Variants in RBM14 observed in about 807,000 individuals in gnomAD.
RBM14 encodes RNA binding motif protein 14, also known as RNA-binding protein 14.
In RBM14, 5 loss-of-function variants were observed where a neutral mutation model predicts 52.8. That is an observed-to-expected ratio of 0.09 (90% CI 0.05 to 0.20). The LOEUF (loss-of-function observed/expected upper bound fraction) is 0.20. Ranked by LOEUF, RBM14 falls within the 10% of genes least tolerant of loss-of-function variation. The probability of loss-of-function intolerance (pLI) is 1.00; values close to 1 mark genes in which losing one functional copy is unlikely to be tolerated. For missense variants in RBM14, 780 were observed against 926.6 expected (o/e 0.84, Z 2.05); for synonymous variants, 411 against 401.8 (o/e 1.02, Z -0.28).
chr11:66,616,798 C>T lies in RBM14; in HGVS notation c.78C>T (p.Gly26=). 1 of 1,610,896 alleles carries T rather than the reference C, an allele frequency of 6.2e-7. No homozygotes were observed. The highest frequency in any genetic ancestry group is 1.1e-5 in the South Asian group (1 of 91,062). ...EELAALFAPY[G]TVMSCAVMKQ... ...TGGCAGCCCTCTTTGCGCCCTACGG[C>T]ACGGTCATGAGCTGCGCCGTCATGA... Residue 26 remains glycine, a synonymous_variant, in exon 1 of 3, where the codon GGC becomes GGT. Transcript: ENST00000310137.
chr11:66,625,333 A>G lies in RBM14; in HGVS notation c.1457A>G (p.Tyr486Cys), dbSNP rs370486697. 1.6e-4 allele frequency: 256 copies of G among 1,609,868 alleles called. No homozygotes were observed. Among genetic ancestry groups the G allele is most frequent in the Non-Finnish European group, 2.1e-4 (250 of 1,178,608 alleles). Residue 486 changes from tyrosine (Y) to cysteine (C), a missense_variant, in exon 2 of 3, where the codon TAT becomes TGT. Physicochemically the swap from Tyr to Cys is radical, Grantham distance 194. Coordinates refer to ENST00000310137, the MANE Select transcript of RBM14 (RefSeq NM_006328.4). This position sits in a 1 kb window ranked among gnomAD's most constrained non-coding sequence, Gnocchi z 4.2. ...AQASMGLSGS[Y>C]GAQSAAAATG... ...GCATCAATGGGCCTTTCAGGCTCCT[A>G]TGGGGCTCAGTCGGCTGCTGCGGCC...
At chr11:66,617,500 G>T (rs1188353361) in intron 1 of RBM14, 3 of 1,001,780 alleles carry the variant, frequency 3.0e-6, no homozygotes, top group East Asian at 2.1e-4. Context: ...GGGGGCTGAC[G>T]CCCCAAGGCC....
Position 66,624,173 on chromosome 11 carries a change from T to C in RBM14, c.338-41T>C, listed in dbSNP as rs917830303. 1.9e-6 allele frequency: 3 copies of C among 1,544,938 alleles called. No homozygotes were observed. Among genetic ancestry groups the C allele is most frequent in the Non-Finnish European group, 2.6e-6 (3 of 1,143,636 alleles). ...TTGGGACCCATCAGGTAGCATGCCC[T>C]GCCCCCCTAATTGCTAACCCTCTGT... is the stretch of plus-strand genomic sequence containing the variant. On this transcript the variant is annotated intron_variant, in intron 1 of 2. Coordinates refer to ENST00000310137, the MANE Select transcript of RBM14 (RefSeq NM_006328.4). The surrounding 1 kb of genome is among the most constrained non-coding windows in gnomAD (Gnocchi z 4.7).
Position 66,618,722 on chromosome 11 carries a change from GCTA to G in RBM14, c.337+1669_337+1671del, listed in dbSNP as rs878967431. Reference sequence around the variant, plus strand: ...TCTTTTGTGGTTGTTAGGTAGAGTGGCTACTAGGTTGAGAGTCTAGAGTCAAAC... The same window carrying G: ...TCTTTTGTGGTTGTTAGGTAGAGTGGCTAGGTTGAGAGTCTAGAGTCAAAC... On this transcript the variant is annotated intron_variant, in intron 1 of 2. Transcript: ENST00000310137. 1.4e-4 allele frequency among the ~76,000 whole-genome samples: 22 copies of G among 152,250 alleles called. No homozygotes were observed. In the South Asian group the frequency reaches 3.7e-3, roughly 26 times the overall value.
chr11:66,625,189 C>T lies in RBM14; in HGVS notation c.1313C>T (p.Thr438Ile), dbSNP rs747013390. ...GCTGCCTATGTGGCACAGCCAGCCA[C>T]AGCTGCTGCCTATGCCAGCCAGCCA... ...QPAAYVAQPA[T>I]AAAYASQPAA... The change falls in exon 2 of 3, where the codon ACA becomes ATA. Residue 438 changes from threonine to isoleucine, a missense_variant. Thr to Ile is a moderately conservative substitution (Grantham distance 89). Transcript: ENST00000310137. This position sits in a 1 kb window ranked among gnomAD's most constrained non-coding sequence, Gnocchi z 4.2. The T allele has an allele frequency of 3.1e-6, 5 of 1,612,184 alleles. No homozygotes were observed. The highest frequency in any genetic ancestry group is 1.1e-5 in the South Asian group (1 of 91,092).
In RBM14 at chr11:66,629,102, TTTTAA is replaced by T. The variant is rs1377388711; in HGVS notation, c.*2437_*2441del. On this transcript the variant is annotated 3_prime_UTR_variant, in exon 3 of 3. Transcript: ENST00000310137. Reference sequence around the variant, plus strand: ...TTTAAAATCTCCCTCCCCTCTTTTATTTTAATTATGCCACCTGTGTTAATCCTATA... The same window carrying T: ...TTTAAAATCTCCCTCCCCTCTTTTATTTATGCCACCTGTGTTAATCCTATA... 2.0e-5 allele frequency among the ~76,000 whole-genome samples: 3 copies of T among 152,252 alleles called. No homozygotes were observed. Among genetic ancestry groups the T allele is most frequent in the Non-Finnish European group, 4.4e-5 (3 of 68,032 alleles).
At chr11:66,618,615 A>C in intron 1 of RBM14, 1 of 715,920 alleles carries the variant, frequency 1.4e-6, no homozygotes, top group Non-Finnish European at 2.6e-6. Context: ...GGAGGGTCTC[A>C]GATTGGGTAC....
At position 66,625,773 on chromosome 11, in the gene RBM14, C is replaced by T. The variant is rs190132142; in HGVS notation, c.1802+95C>T. On this transcript the variant is annotated intron_variant, in intron 2 of 2. Transcript: ENST00000310137. The surrounding 1 kb of genome is among the most constrained non-coding windows in gnomAD (Gnocchi z 4.2). The stretch of plus-strand genomic sequence containing the variant: ...GGAAACTGGAGGCATCGGCCCCTCC[C>T]TCGGTCTTCTCTTCTCTATTTTTGT... 1.1e-6 allele frequency: 1 copy of T among 938,942 alleles called. No homozygotes were observed. Among genetic ancestry groups the T allele is most frequent in the Non-Finnish European group, 1.6e-6 (1 of 637,628 alleles). The allele number at this position is 938,942 out of a possible 1,614,324, so 58.2% of individuals were successfully genotyped here. A position where few individuals can be genotyped will look rare whatever the true frequency, so the allele number is the denominator to read the frequency against.
chr11:66,619,310 A>C (rs1052538806), intron 1 of RBM14: 4 of 152,174 alleles, frequency 2.6e-5, no homozygotes, highest in African/African-American at 4.8e-5. Context: ...GGAAAAAAAA[A>C]CAACATAGTT....
chr11:66,624,129 G>T lies in RBM14; in HGVS notation c.338-85G>T. On this transcript the variant is annotated intron_variant, in intron 1 of 2. Coordinates refer to ENST00000310137, the MANE Select transcript of RBM14 (RefSeq NM_006328.4). This position sits in a 1 kb window ranked among gnomAD's most constrained non-coding sequence, Gnocchi z 4.7. Reference sequence around the variant, plus strand: ...CTTGGAGGTAGCTGGCAACAGCTGGGTGCTGTTGTGTGTCCAATTTGGGAC... The same window carrying T: ...CTTGGAGGTAGCTGGCAACAGCTGGTTGCTGTTGTGTGTCCAATTTGGGAC... The T allele has an allele frequency of 6.5e-7, 1 of 1,540,628 alleles. No individual in the cohort carries two copies. Among genetic ancestry groups the T allele is most frequent in the Non-Finnish European group, 8.7e-7 (1 of 1,143,038 alleles).
intron 1 of RBM14, among the ~76,000 whole-genome samples, chr11:66,623,479 ACT>A (rs1859213511): frequency 1.3e-5 from 2 of 152,086 alleles, no homozygotes; most frequent in Non-Finnish European, 2.9e-5. Context: ...TCTGGTCCTG[ACT>A]CTAACACACT....
rs1377471441 is a variant in RBM14 at position 66,618,547 on chromosome 11, G to A, written c.337+1490G>A. 7.0e-6 allele frequency: 5 copies of A among 717,498 alleles called. No homozygotes were observed. The African/African-American group carries it at 8.7e-5, about 13-fold the overall frequency. 44.4% of individuals were successfully genotyped at this position (717,498 alleles called of 1,614,324 possible). ...ATCGGGCTTTCCTGCTGGGTGCTCT[G>A]AGGCAGGCTGTATGGTGCATGGATT... On this transcript the variant is annotated intron_variant, in intron 1 of 2. Transcript: ENST00000310137.
At chr11:66,626,041 G>A (rs1208394057) in intron 2 of RBM14, among the ~76,000 whole-genome samples, 3 of 152,306 alleles carry the variant, frequency 2.0e-5, no homozygotes, top group Non-Finnish European at 2.9e-5. Flanking sequence ...GCAGGGATGT[G>A]GGTTAAAGAG....
chr11:66,625,392 G>C lies in RBM14; in HGVS notation c.1516G>C (p.Ala506Pro). The stretch of plus-strand genomic sequence containing the variant: ...CTATGGTGCCGCAGCAGCCTACGGG[G>C]CCCAACCTTCTGCCACCCTGGCAGC... ...GSYGAAAAYG[A>P]QPSATLAAPY... The change falls in exon 2 of 3, where the codon GCC becomes CCC. Residue 506 changes from alanine to proline, a missense_variant. This residue lies in a region of RBM14 where 675 missense variants were observed against 697.3 expected (regional missense o/e 0.97). Coordinates refer to ENST00000310137, the MANE Select transcript of RBM14 (RefSeq NM_006328.4). This position sits in a 1 kb window ranked among gnomAD's most constrained non-coding sequence, Gnocchi z 4.2. 6.2e-7 allele frequency: 1 copy of C among 1,613,450 alleles called. No homozygotes were observed.
rs1937706289 is a variant in RBM14 at position 66,624,706 on chromosome 11, C to T, written c.830C>T (p.Pro277Leu). The change falls in exon 2 of 3, where the codon CCC becomes CTC. Residue 277 changes from proline to leucine, a missense_variant. Physicochemically the swap from Pro to Leu is moderately conservative, Grantham distance 98. This residue lies in a region of RBM14 where 675 missense variants were observed against 697.3 expected (regional missense o/e 0.97). Transcript: ENST00000310137. This position sits in a 1 kb window ranked among gnomAD's most constrained non-coding sequence, Gnocchi z 4.7. ...CAGGCAGCCTCTTACCGCGCTCAGC[C>T]CTCTGTCTCCCTTGGGGCACCATAC... is the stretch of plus-strand genomic sequence containing the variant. ...TAQAASYRAQ[P>L]SVSLGAPYRG... 2 of 1,613,994 alleles carry T rather than the reference C, an allele frequency of 1.2e-6. No individual in the cohort carries two copies. The highest frequency in any genetic ancestry group is 8.5e-7 in the Non-Finnish European group (1 of 1,179,960).
rs1238236465 is a variant in RBM14 at position 66,625,078 on chromosome 11, C to T, written c.1202C>T (p.Ser401Leu). 1.2e-6 allele frequency: 2 copies of T among 1,613,602 alleles called. No individual in the cohort carries two copies. Among genetic ancestry groups the T allele is most frequent in the Non-Finnish European group, 1.7e-6 (2 of 1,179,970 alleles). Residue 401 changes from serine to leucine, a missense_variant, in exon 2 of 3, where the codon TCA becomes TTA. Transcript: ENST00000310137. This position sits in a 1 kb window ranked among gnomAD's most constrained non-coding sequence, Gnocchi z 4.2. ...CTAGCTTATGGAGCCCAGGCAGCTT[C>T]ATATAATGCCCAGCCCTCGGCCTCT... The part of the protein sequence containing the change: ...SSLAYGAQAA[S>L]YNAQPSASYN...
chr11:66,626,679 G>A lies in RBM14; in HGVS notation c.*11G>A, dbSNP rs1275330854. On this transcript the variant is annotated 3_prime_UTR_variant, in exon 3 of 3. Coordinates refer to ENST00000310137, the MANE Select transcript of RBM14 (RefSeq NM_006328.4). ...CAGCGCCGCATGTAGGGCCATCCTGGGATGGGGCACCACAGGGAGGGAGGG... is the reference window on the plus strand; with the variant it reads ...CAGCGCCGCATGTAGGGCCATCCTGAGATGGGGCACCACAGGGAGGGAGGG... 6.3e-7 allele frequency: 1 copy of A among 1,594,318 alleles called. No individual in the cohort carries two copies. Among genetic ancestry groups the A allele is most frequent in the Non-Finnish European group, 8.5e-7 (1 of 1,170,378 alleles).
In RBM14 at chr11:66,616,637, A is replaced by G. The variant is rs893732559; in HGVS notation, c.-84A>G. 6.8e-7 allele frequency: 1 copy of G among 1,469,180 alleles called. No individual in the cohort carries two copies. Among genetic ancestry groups the G allele is most frequent in the Non-Finnish European group, 9.0e-7 (1 of 1,104,978 alleles). 91.0% of individuals were successfully genotyped at this position (1,469,180 alleles called of 1,614,324 possible). ...GGTTCTCGGTCGCCAGCCATTCCTGAGGAGGACTGCCGGTCGTTCGGACGT... is the reference window on the plus strand; with the variant it reads ...GGTTCTCGGTCGCCAGCCATTCCTGGGGAGGACTGCCGGTCGTTCGGACGT... On this transcript the variant is annotated 5_prime_UTR_variant, in exon 1 of 3. Transcript: ENST00000310137.
At chr11:66,626,021 C>T (rs1367898873) in intron 2 of RBM14, among the ~76,000 whole-genome samples, 1 of 152,156 alleles carries the variant, frequency 6.6e-6, no homozygotes, top group African/African-American at 2.4e-5. Context: ...ACGTGGTTGT[C>T]CTGGCTTTGG....
Sources: allele counts gnomAD v4.1 joint callset (sites outside exome capture counted in the v4.1 genomes callset), GRCh38; gene constraint gnomAD v4.1.1; regional missense constraint gnomAD v4.1.1; non-coding constraint Gnocchi (gnomAD v3.1); transcripts MANE v1.5; gene names NCBI Gene and HGNC (gene_info 2026-07-23, HGNC 2026-07-21).